VAV3: variants seen among roughly 807,000 people sequenced by gnomAD.
VAV3 encodes the protein vav guanine nucleotide exchange factor 3.
VAV3 carries 94 observed loss-of-function variants against 131.2 expected under a neutral mutation model. The ratio of observed to expected loss-of-function variants is 0.72; its 90% CI spans 0.61 to 0.85. VAV3 has a LOEUF of 0.85. VAV3 is among the 40% of genes least tolerant of loss of function. The pLI is 0.00. For synonymous variants in VAV3, 349 were observed against 342.0 expected, an observed-to-expected ratio of 1.02 and a Z score of -0.22; for missense variants, 939 against 1,002.7, an observed-to-expected ratio of 0.94 and a Z score of 0.86.
intron 2 of VAV3, among the ~76,000 whole-genome samples, chr1:107,833,199 A>G (rs1185143263): frequency 1.3e-5 from 2 of 152,174 alleles, no homozygotes; most frequent in African/African-American, 4.8e-5. Context: ...TAAAGCTGCT[A>G]CTCCAGTAAA....
At position 107,573,340 on chromosome 1, in the gene VAV3, C is replaced by T. The variant is rs775308531; in HGVS notation, c.2535G>A (p.Glu845=). The change falls in exon 27 of 27, where the codon GAG becomes GAA. Residue 845 remains glutamate, a synonymous_variant. Transcript: ENST00000370056. ...AACACGGGATTTGAATTTATTCATC[C>T]TCTTCCACATATGTGGATGGAAACC... The part of the protein sequence containing the change: ...VGWFPSTYVE[E]DE 4 of 1,613,976 alleles carry T rather than the reference C, an allele frequency of 2.5e-6. No individual in the cohort carries two copies. In the African/African-American group the frequency reaches 4.0e-5, roughly 16 times the overall value.
intron 2 of VAV3, among the ~76,000 whole-genome samples, chr1:107,779,934 T>C (rs1413214997): frequency 1.3e-5 from 2 of 152,218 alleles, no homozygotes; most frequent in Admixed American, 1.3e-4. Flanking sequence ...AGCCACATTT[T>C]AAGTGTTCAG....
At position 107,913,824 on chromosome 1, in the gene VAV3, C is replaced by A. The variant is rs931991118; in HGVS notation, c.205-38807G>T. The stretch of plus-strand genomic sequence containing the variant: ...AATTATTATTATTTTGAGGTGGAGT[C>A]TCACTCTGTTGCCCAGGCTGGAGTG... On this transcript the variant is annotated intron_variant, in intron 1 of 26. Coordinates refer to ENST00000370056, the MANE Select transcript of VAV3 (RefSeq NM_006113.5). Among the ~76,000 whole-genome samples the A allele has an allele frequency of 7.2e-5, 11 of 152,116 alleles. No individual in the cohort carries two copies. The East Asian group carries it at 2.1e-3, about 29-fold the overall frequency.
At chr1:107,691,713 T>C (rs1156628938) in intron 17 of VAV3, among the ~76,000 whole-genome samples, 1 of 152,124 alleles carries the variant, frequency 6.6e-6, no homozygotes, top group Non-Finnish European at 1.5e-5. Context: ...TTCTAGATGG[T>C]GACTCATGGG....
chr1:107,763,716 A>T (rs1169712012), intron 9 of VAV3, among the ~76,000 whole-genome samples: 1 of 152,194 alleles, frequency 6.6e-6, no homozygotes, highest in Non-Finnish European at 1.5e-5. Context: ...AAGCAAAAAG[A>T]TCACGTATCT....
At chr1:107,580,611 G>A (rs566552549) in intron 25 of VAV3, among the ~76,000 whole-genome samples, 13 of 152,170 alleles carry the variant, frequency 8.5e-5, no homozygotes, top group South Asian at 6.2e-4. Context: ...ACACTGTAGC[G>A]TGACTTATTG....
intron 13 of VAV3, 55 bp downstream of exon 13, chr1:107,751,062 C>T: frequency 1.3e-6 from 2 of 1,531,286 alleles, no homozygotes; most frequent in Admixed American, 1.9e-5. Context: ...TTAAGGTTTT[C>T]TCAGTTTTCT....
At chr1:107,889,813 T>G (rs1486300718) in intron 1 of VAV3, among the ~76,000 whole-genome samples, 1 of 152,182 alleles carries the variant, frequency 6.6e-6, no homozygotes, top group African/African-American at 2.4e-5. Context: ...CTAAGTTAGG[T>G]GCAGATTTGG....
At chr1:107,960,105 A>G (rs1261970171) in intron 1 of VAV3, among the ~76,000 whole-genome samples, 1 of 152,206 alleles carries the variant, frequency 6.6e-6, no homozygotes, top group Non-Finnish European at 1.5e-5. Context: ...ATGATGTATT[A>G]GCCTGGCCAC....
chr1:107,748,854 C>T (rs1663519698), intron 15 of VAV3, 114 bp downstream of exon 15: 4 of 810,278 alleles, frequency 4.9e-6, no homozygotes, highest in African/African-American at 1.8e-5. Context: ...ACATTCCCGT[C>T]GCTGTACACA....
At chr1:107,737,271 A>T (rs1393108815) in intron 15 of VAV3, among the ~76,000 whole-genome samples, 7 of 152,180 alleles carry the variant, frequency 4.6e-5, no homozygotes, top group Non-Finnish European at 8.8e-5. Flanking sequence ...AACCTAGGCA[A>T]TACCATTCAG....
At chr1:107,598,108 C>T (rs915333161) in intron 24 of VAV3, among the ~76,000 whole-genome samples, 2 of 152,178 alleles carry the variant, frequency 1.3e-5, no homozygotes, top group African/African-American at 4.8e-5. Flanking sequence ...AATCCCAGCA[C>T]TTTGAGAGGC....
At chr1:107,908,335 TATC>T (rs1339742810) in intron 1 of VAV3, among the ~76,000 whole-genome samples, 1 of 152,224 alleles carries the variant, frequency 6.6e-6, no homozygotes, top group Non-Finnish European at 1.5e-5. Context: ...AGGTGGCTGA[TATC>T]ATAGGTGGTG....
chr1:107,826,763 T>C (rs1469306468), intron 2 of VAV3, among the ~76,000 whole-genome samples: 1 of 152,186 alleles, frequency 6.6e-6, no homozygotes, highest in Admixed American at 6.6e-5. Context: ...TTCGAACTCC[T>C]GTCTGCAGTA....
chr1:107,703,142 A>G (rs570373718), intron 17 of VAV3, among the ~76,000 whole-genome samples: 24 of 152,328 alleles, frequency 1.6e-4, no homozygotes, highest in African/African-American at 5.8e-4. Flanking sequence ...TATAAACATT[A>G]GCCTACTATG....
At chr1:107,768,290 A>G (rs1664846480) in intron 7 of VAV3, 151 bp downstream of exon 7, 4 of 522,400 alleles carry the variant, frequency 7.7e-6, no homozygotes, top group Non-Finnish European at 1.0e-5. Flanking sequence ...GAAAATAAGG[A>G]TATAAAAACT....
At chr1:107,754,213 GACA>G (rs1663957510) in intron 12 of VAV3, among the ~76,000 whole-genome samples, 1 of 152,100 alleles carries the variant, frequency 6.6e-6, no homozygotes, top group South Asian at 2.1e-4. Flanking sequence ...GAATCTTGAA[GACA>G]ACAACAAAAA....
intron 15 of VAV3, among the ~76,000 whole-genome samples, chr1:107,712,953 G>C (rs1660873960): frequency 6.6e-6 from 1 of 152,042 alleles, no homozygotes; most frequent in Non-Finnish European, 1.5e-5. Context: ...AAGAATTTCG[G>C]GACAGAGGAA....
At chr1:107,934,569 G>A (rs985756939) in intron 1 of VAV3, among the ~76,000 whole-genome samples, 20 of 152,086 alleles carry the variant, frequency 1.3e-4, no homozygotes, top group Non-Finnish European at 2.9e-4. Flanking sequence ...CAGGAGGAAC[G>A]GCTCCTATGA....
Sources: gnomAD v4.1 joint callset for allele counts (sites outside exome capture counted in the v4.1 genomes callset) on GRCh38, gnomAD v4.1.1 for gene constraint, MANE v1.5 for transcripts, NCBI Gene and HGNC (gene_info 2026-07-23, HGNC 2026-07-21) for gene names.